GPR149: variants seen among roughly 807,000 people sequenced by gnomAD.
The protein encoded by GPR149 is G protein-coupled receptor 149, also known as probable G protein-coupled receptor 149.
GPR149 carries 50 observed loss-of-function variants against 50.2 expected under a neutral mutation model. That is an observed-to-expected ratio of 1.00 (90% confidence interval 0.79 to 1.26). The LOEUF (loss-of-function observed/expected upper bound fraction) is 1.26, where lower values mean the gene tolerates loss of function less well. Among genes scored for constraint, GPR149 ranks in the 50% most tolerant of loss-of-function variants. The pLI is 0.00. For synonymous variants in GPR149, 405 were observed against 358.2 expected (o/e 1.13, Z -1.48); for missense variants, 983 against 895.4 (o/e 1.10, Z -1.25).
chr3:154,337,751 T>A lies in GPR149; in HGVS notation c.2144A>T (p.Gln715Leu), dbSNP rs1179090795. 6.2e-7 allele frequency: 1 copy of A among 1,612,306 alleles called. No homozygotes were observed. Among genetic ancestry groups the A allele is most frequent in the Admixed American group, 1.7e-5 (1 of 59,722 alleles). The change falls in exon 4 of 4, where the codon CAG (glutamine) becomes CTG (leucine). Residue 715 changes from glutamine to leucine, a missense_variant. Transcript: ENST00000389740. ...TTTTCTGTAAGCTTTATTTAACAAC[T>A]GGATTTCCTCCTGGTAGCCATCCCT... ...QERDGYQEEI[Q>L]LLNKAYRKRE...
Position 154,373,703 on chromosome 3 carries a change from A to G in GPR149, c.1624-35432T>C, listed in dbSNP as rs556338222. Among the ~76,000 whole-genome samples, 3 of 152,310 alleles carry G rather than the reference A, an allele frequency of 2.0e-5. No individual in the cohort carries two copies. The South Asian group carries it at 6.2e-4, about 32-fold the overall frequency. Reference sequence around the variant, plus strand: ...CTTCTTGTACTTAAATGACTTAGACAAGAACATACATGGGTTGCATCTAGA... The same window carrying G: ...CTTCTTGTACTTAAATGACTTAGACGAGAACATACATGGGTTGCATCTAGA... On this transcript the variant is annotated intron_variant, in intron 3 of 3. Coordinates refer to ENST00000389740, the MANE Select transcript of GPR149 (RefSeq NM_001038705.3).
intron 3 of GPR149, among the ~76,000 whole-genome samples, chr3:154,420,814 T>G: frequency 6.6e-6 from 1 of 151,238 alleles, no homozygotes. Context: ...AAGAGCCTGT[T>G]TAACTCTTCC....
At position 154,406,607 on chromosome 3, in the gene GPR149, G is replaced by A. The variant is rs927867180; in HGVS notation, c.1623+14432C>T. Among the ~76,000 whole-genome samples the A allele has an allele frequency of 3.2e-4, 48 of 152,264 alleles. 1 individual carries two copies. Among genetic ancestry groups the A allele is most frequent in the Admixed American group, 2.2e-3 (34 of 15,290 alleles). ...ATGAACTAATATGTAGAGATGTCCA[G>A]TATTTATTGTTAAGGAAAAAAGTAA... is the stretch of plus-strand genomic sequence containing the variant. On this transcript the variant is annotated intron_variant, in intron 3 of 3. Transcript: ENST00000389740.
chr3:154,398,292 A>T (rs961423612), intron 3 of GPR149, among the ~76,000 whole-genome samples: 3 of 152,200 alleles, frequency 2.0e-5, no homozygotes, highest in African/African-American at 7.2e-5. Flanking sequence ...AATTAAGGTA[A>T]TGATTAGGGA....
chr3:154,353,212 G>A, intron 3 of GPR149: 1 of 1,532,228 alleles, frequency 6.5e-7, no homozygotes, highest in South Asian at 1.1e-5. Context: ...ATAACTGCTG[G>A]CCTCTGAGAC....
rs1267467926 is a variant in GPR149, at chr3:154,359,437, C to T, written c.1624-21166G>A. ...TCAGAGACAGACAGAAGAAAGGGTA[C>T]CAGAGAGGGGCCAGCTTGTCATCAC... On this transcript the variant is annotated intron_variant, in intron 3 of 3. Coordinates refer to ENST00000389740, the MANE Select transcript of GPR149 (RefSeq NM_001038705.3). Among the ~76,000 whole-genome samples, 12 of 152,230 alleles carry T rather than the reference C, an allele frequency of 7.9e-5. 1 individual carries two copies. The highest frequency in any genetic ancestry group is 6.8e-3 in the Middle Eastern group (2 of 294).
intron 3 of GPR149, among the ~76,000 whole-genome samples, chr3:154,418,365 G>A (rs9833172): frequency 1.0e-4 from 9 of 85,974 alleles, no homozygotes; most frequent in Admixed American, 4.4e-4. Context: ...CACATGCACA[G>A]GTATGTTTAT....
At chr3:154,364,507 C>T (rs1158791305) in intron 3 of GPR149, among the ~76,000 whole-genome samples, 3 of 152,186 alleles carry the variant, frequency 2.0e-5, no homozygotes, top group East Asian at 3.9e-4. Context: ...GCAAATTACT[C>T]TCTAGCTATG....
At chr3:154,419,671 A>G (rs1712083329) in intron 3 of GPR149, among the ~76,000 whole-genome samples, 1 of 152,064 alleles carries the variant, frequency 6.6e-6, no homozygotes, top group African/African-American at 2.4e-5. Context: ...GGTGACTAGC[A>G]CAGAAGGTAG....
intron 3 of GPR149, among the ~76,000 whole-genome samples, chr3:154,381,197 A>G (rs1215606015): frequency 6.6e-6 from 1 of 152,202 alleles, no homozygotes; most frequent in Non-Finnish European, 1.5e-5. Flanking sequence ...CTTATACTGA[A>G]TAAAACATGG....
chr3:154,379,652 T>C (rs914918729), intron 3 of GPR149, among the ~76,000 whole-genome samples: 6 of 152,176 alleles, frequency 3.9e-5, no homozygotes, highest in Non-Finnish European at 7.4e-5. Context: ...TGTTTTCATT[T>C]TTTGAATATT....
Position 154,336,828 on chromosome 3 carries a change from T to A in GPR149, c.*871A>T, listed in dbSNP as rs1713665664. On this transcript the variant is annotated 3_prime_UTR_variant, in exon 4 of 4. Coordinates refer to ENST00000389740, the MANE Select transcript of GPR149 (RefSeq NM_001038705.3). Reference sequence around the variant, plus strand: ...ACTTAGAGGATTTTGCTCTGCTGTATCCAGAAGCCTACCATGTTTGGATGT... The same window carrying A: ...ACTTAGAGGATTTTGCTCTGCTGTAACCAGAAGCCTACCATGTTTGGATGT... 1 of 152,084 alleles carries A rather than the reference T, an allele frequency of 6.6e-6. No individual in the cohort carries two copies. The highest frequency in any genetic ancestry group is 1.5e-5 in the Non-Finnish European group (1 of 67,978). 9.4% of individuals were successfully genotyped at this position (152,084 alleles called of 1,614,324 possible).
chr3:154,361,102 T>C (rs549051120), intron 3 of GPR149, among the ~76,000 whole-genome samples: 2 of 152,240 alleles, frequency 1.3e-5, no homozygotes, highest in Admixed American at 1.3e-4. Flanking sequence ...AATCTTCCCA[T>C]CCCACACAGC....
chr3:154,407,790 G>A (rs528695157), intron 3 of GPR149, among the ~76,000 whole-genome samples: 12 of 151,538 alleles, frequency 7.9e-5, no homozygotes, highest in Admixed American at 4.0e-4. Context: ...AGCAATGAGT[G>A]TATCTAGCAC....
rs142409603 is a variant in GPR149, at chr3:154,424,759, T to A, written c.1174+2757A>T. ...AATCCTTGATAAAATATGAATTAGCTCTAGTCTTCTGCTTTTAGTCACATC... is the reference window on the plus strand; with the variant it reads ...AATCCTTGATAAAATATGAATTAGCACTAGTCTTCTGCTTTTAGTCACATC... On this transcript the variant is annotated intron_variant, in intron 2 of 3. Transcript: ENST00000389740. Among the ~76,000 whole-genome samples the A allele has an allele frequency of 1.0e-3, 154 of 152,000 alleles. 1 individual carries two copies. In the East Asian group the frequency reaches 0.029, roughly 28 times the overall value.
intron 3 of GPR149, among the ~76,000 whole-genome samples, chr3:154,415,416 C>G (rs1711958778): frequency 6.6e-6 from 1 of 151,840 alleles, no homozygotes; most frequent in Admixed American, 6.6e-5. Context: ...GAATAAAATT[C>G]CCTTAGGTTC....
intron 3 of GPR149, among the ~76,000 whole-genome samples, chr3:154,416,147 A>G (rs1408213949): frequency 6.6e-6 from 1 of 151,920 alleles, no homozygotes; most frequent in African/African-American, 2.4e-5. Flanking sequence ...GGAAGAGGAA[A>G]AAGATACCCG....
chr3:154,388,474 T>C (rs1046308018), intron 3 of GPR149, among the ~76,000 whole-genome samples: 6 of 152,174 alleles, frequency 3.9e-5, no homozygotes, highest in African/African-American at 1.4e-4. Flanking sequence ...TCCACTGTTC[T>C]CTTAGCTACT....
chr3:154,395,368 T>C (rs1576920364), intron 3 of GPR149, among the ~76,000 whole-genome samples: 1 of 107,566 alleles, frequency 9.3e-6, no homozygotes, highest in African/African-American at 3.2e-5. Flanking sequence ...GTAATGTTTT[T>C]TAAACCTTGA....
Sources: allele counts gnomAD v4.1 joint callset (sites outside exome capture counted in the v4.1 genomes callset), GRCh38; gene constraint gnomAD v4.1.1; transcripts MANE v1.5; gene names NCBI Gene and HGNC (gene_info 2026-07-23, HGNC 2026-07-21).